FBXO30: variants seen among roughly 807,000 people sequenced by gnomAD.
The protein encoded by FBXO30 is F-box protein 30.
FBXO30 carries 21 observed loss-of-function variants against 58.1 expected under a neutral mutation model. The ratio of observed to expected loss-of-function variants is 0.36; its 90% CI spans 0.26 to 0.52. FBXO30 has a LOEUF of 0.52. Among genes scored for constraint, FBXO30 ranks in the 20% least tolerant of loss-of-function variants. FBXO30 has a pLI of 0.93. For missense variants in FBXO30, 744 were observed against 897.3 expected (o/e 0.83, Z 2.18); for synonymous variants, 309 against 312.4 (o/e 0.99, Z 0.11).
Position 145,798,067 on chromosome 6 carries a change from A to ATGAT in FBXO30, c.*2035_*2038dup, listed in dbSNP as rs1424605616. 6.6e-6 allele frequency: 1 copy of ATGAT among 152,096 alleles called. No individual in the cohort carries two copies. Among genetic ancestry groups the ATGAT allele is most frequent in the Non-Finnish European group, 1.5e-5 (1 of 67,964 alleles). 9.4% of individuals were successfully genotyped at this position (152,096 alleles called of 1,614,324 possible). A position where few individuals can be genotyped will look rare whatever the true frequency, so the allele number is the denominator to read the frequency against. On this transcript the variant is annotated 3_prime_UTR_variant, in exon 3 of 3. Coordinates refer to ENST00000237281, the MANE Select transcript of FBXO30 (RefSeq NM_032145.5). ...ACTAGTAAAACATGGGTGAGTAATGATGATAATCAACAACTACCATAACAT... is the reference window on the plus strand; with the variant it reads ...ACTAGTAAAACATGGGTGAGTAATGATGATTGATAATCAACAACTACCATAACAT...
At chr6:145,801,834 T>C (rs1442152080) in intron 2 of FBXO30, among the ~76,000 whole-genome samples, 1 of 152,096 alleles carries the variant, frequency 6.6e-6, no homozygotes, top group East Asian at 1.9e-4. Flanking sequence ...TTCTTTAAGC[T>C]TGGGCAGGTG....
At chr6:145,808,726 T>A (rs1157941370) in intron 1 of FBXO30, among the ~76,000 whole-genome samples, 2 of 152,164 alleles carry the variant, frequency 1.3e-5, no homozygotes, top group African/African-American at 2.4e-5. Context: ...AGTTCAACAT[T>A]TCCAAAATTA....
chr6:145,809,135 T>C (rs1349710633), intron 1 of FBXO30, among the ~76,000 whole-genome samples: 1 of 152,216 alleles, frequency 6.6e-6, no homozygotes, highest in Non-Finnish European at 1.5e-5. Context: ...TCATGAATTT[T>C]AGACATAAGT....
rs760969056 is a variant in FBXO30, at chr6:145,800,152, G to T, written c.2192C>A (p.Thr731Asn). The T allele has an allele frequency of 6.2e-7, 1 of 1,612,820 alleles. No homozygotes were observed. Among genetic ancestry groups the T allele is most frequent in the Non-Finnish European group, 8.5e-7 (1 of 1,179,252 alleles). Residue 731 changes from threonine (T) to asparagine (N), a missense_variant, in exon 3 of 3, where the codon ACT (threonine) becomes AAT (asparagine). Physicochemically the swap from Thr to Asn is moderately conservative, Grantham distance 65. Transcript: ENST00000237281. ...LPCMCVTREL[T>N]KEGRSLRSVL... ...TGAGCGTAGTGAACGTCCTTCTTTA[G>T]TGAGTTCTCGTGTCACACACATACA...
rs1366697770 is a variant in FBXO30, at chr6:145,804,631, C to T, written c.1775G>A (p.Cys592Tyr). ...AGGCTCCACTAATACTGTAGATACACATGGCTGAACTCCAAATGACCTCAA... is the reference window on the plus strand; with the variant it reads ...AGGCTCCACTAATACTGTAGATACATATGGCTGAACTCCAAATGACCTCAA... Reference protein sequence around the residue: ...RHLRSFGVQPCVSTVLVEPAR... With the variant: ...RHLRSFGVQPYVSTVLVEPAR... The change falls in exon 2 of 3, where the codon TGT becomes TAT. Residue 592 changes from cysteine to tyrosine, a missense_variant. Physicochemically the swap from Cys to Tyr is radical, Grantham distance 194. Transcript: ENST00000237281. 6 of 1,613,858 alleles carry T rather than the reference C, an allele frequency of 3.7e-6. No individual in the cohort carries two copies. Among genetic ancestry groups the T allele is most frequent in the Non-Finnish European group, 5.1e-6 (6 of 1,179,858 alleles).
At chr6:145,804,347 A>G (rs1253040428) in intron 2 of FBXO30, 25 bp downstream of exon 2, 3 of 1,565,890 alleles carry the variant, frequency 1.9e-6, no homozygotes, top group Admixed American at 1.9e-5. Context: ...TATGTCAAAT[A>G]AGAGGTTGTA....
rs1312982725 is a variant in FBXO30 at position 145,808,998 on chromosome 6, C to T, written c.-16-2577G>A. Among the ~76,000 whole-genome samples, 5 of 151,462 alleles carry T rather than the reference C, an allele frequency of 3.3e-5. No homozygotes were observed. In the South Asian group the frequency reaches 6.3e-4, roughly 19 times the overall value. On this transcript the variant is annotated intron_variant, in intron 1 of 2. Transcript: ENST00000237281. ...TTTTCTTGATTCAGTAGAAAAGTTC[C>T]GAGTTGATATTATGGTGTTCAATGA...
rs1778451305 is a variant in FBXO30, at chr6:145,814,679, C to A, written c.-93G>T. The A allele has an allele frequency of 6.6e-6, 1 of 152,326 alleles. No individual in the cohort carries two copies. The highest frequency in any genetic ancestry group is 2.1e-4 in the South Asian group (1 of 4,840). The allele number at this position is 152,326 out of a possible 1,614,324, so 9.4% of individuals were successfully genotyped here. ...GCCCAGCTGCTCCGCTCTGTCCCGG[C>A]GACGCTCCGTACCCCACACAGCCGT... On this transcript the variant is annotated 5_prime_UTR_variant, in exon 1 of 3. Coordinates refer to ENST00000237281, the MANE Select transcript of FBXO30 (RefSeq NM_032145.5).
Position 145,804,487 on chromosome 6 carries a change from G to T in FBXO30, c.1919C>A (p.Ser640Tyr), listed in dbSNP as rs755038925. The T allele has an allele frequency of 3.1e-6, 5 of 1,613,490 alleles. No individual in the cohort carries two copies. Among genetic ancestry groups the T allele is most frequent in the Non-Finnish European group, 4.2e-6 (5 of 1,179,774 alleles). The change falls in exon 2 of 3, where the codon TCC (serine) becomes TAC (tyrosine). Residue 640 changes from serine (S) to tyrosine (Y), a missense_variant. This residue lies in a region of FBXO30 where 334 missense variants were observed against 433.7 expected (regional missense o/e 0.77). Coordinates refer to ENST00000237281, the MANE Select transcript of FBXO30 (RefSeq NM_032145.5). ...GCCACACACATCCCTCATTAACTTGGATACACATGAGAGCTGACATAAGCT... is the reference window on the plus strand; with the variant it reads ...GCCACACACATCCCTCATTAACTTGTATACACATGAGAGCTGACATAAGCT... ...GFSLCQLSCV[S>Y]KLMRDVCGSL...
At chr6:145,810,832 G>C (rs1778313018) in intron 1 of FBXO30, among the ~76,000 whole-genome samples, 1 of 152,100 alleles carries the variant, frequency 6.6e-6, no homozygotes, top group South Asian at 2.1e-4. Flanking sequence ...AAAATAACCT[G>C]CTGCCTCCAG....
intron 2 of FBXO30, among the ~76,000 whole-genome samples, chr6:145,801,276 A>G (rs1777988667): frequency 6.6e-6 from 1 of 152,112 alleles, no homozygotes. Context: ...TGAACTGCAG[A>G]TGCTTTAGAA....
rs759712168 is a variant in FBXO30, at chr6:145,804,635, G to A, written c.1771C>T (p.Pro591Ser). The A allele has an allele frequency of 9.3e-6, 15 of 1,613,840 alleles. No individual in the cohort carries two copies. Among genetic ancestry groups the A allele is most frequent in the African/African-American group, 1.3e-5 (1 of 75,000 alleles). ...DRHLRSFGVQ[P>S]CVSTVLVEPA... is the part of the protein sequence containing the mutation. ...TCCACTAATACTGTAGATACACATG[G>A]CTGAACTCCAAATGACCTCAAATGG... The change falls in exon 2 of 3, where the codon CCA becomes TCA. Residue 591 changes from proline (P) to serine (S), a missense_variant. This residue lies in a region of FBXO30 where 334 missense variants were observed against 433.7 expected (regional missense o/e 0.77). Transcript: ENST00000237281.
At chr6:145,803,459 G>A (rs553907050) in intron 2 of FBXO30, among the ~76,000 whole-genome samples, 8 of 152,076 alleles carry the variant, frequency 5.3e-5, no homozygotes, top group African/African-American at 1.7e-4. Flanking sequence ...AAGGTGCTAC[G>A]AATAAAGTAA....
chr6:145,802,255 G>A (rs1448094120), intron 2 of FBXO30, among the ~76,000 whole-genome samples: 1 of 152,184 alleles, frequency 6.6e-6, no homozygotes, highest in Non-Finnish European at 1.5e-5. Context: ...AACCTGAAGA[G>A]TAAGCGGGAC....
At position 145,804,559 on chromosome 6, in the gene FBXO30, A is replaced by G; in HGVS notation, c.1847T>C (p.Leu616Pro). The G allele has an allele frequency of 1.9e-6, 3 of 1,613,790 alleles. No individual in the cohort carries two copies. The highest frequency in any genetic ancestry group is 2.5e-6 in the Non-Finnish European group (3 of 1,179,848). The change falls in exon 2 of 3, where the codon CTT becomes CCT. Residue 616 changes from leucine (L) to proline (P), a missense_variant. By Grantham distance (98) the Leu-to-Pro change is moderately conservative (BLOSUM62 -3). Coordinates refer to ENST00000237281, the MANE Select transcript of FBXO30 (RefSeq NM_032145.5). Reference sequence around the variant, plus strand: ...AATATGCTGCAGGACCTCAAAAGGAAGACTACTTAGATGGTCATTATGTAA... The same window carrying G: ...AATATGCTGCAGGACCTCAAAAGGAGGACTACTTAGATGGTCATTATGTAA... ...LGLHNDHLSS[L>P]PFEVLQHIAG... is the part of the protein sequence containing the mutation.
At chr6:145,814,217 G>A (rs1029282717) in intron 1 of FBXO30, among the ~76,000 whole-genome samples, 7 of 152,120 alleles carry the variant, frequency 4.6e-5, no homozygotes, top group South Asian at 2.1e-4. Context: ...AAAACCAGAC[G>A]GAACGAGAAG....
chr6:145,793,996 T>C lies in FBXO30; in HGVS notation c.*6110A>G, dbSNP rs1024536044. On this transcript the variant is annotated 3_prime_UTR_variant, in exon 3 of 3. Coordinates refer to ENST00000237281, the MANE Select transcript of FBXO30 (RefSeq NM_032145.5). The stretch of plus-strand genomic sequence containing the variant: ...TAATTGTAATAAAATACACATCAAA[T>C]ACACCATTTTAAAGTATACAATTCA... 7 of 151,826 alleles carry C rather than the reference T, an allele frequency of 4.6e-5. No individual in the cohort carries two copies. The highest frequency in any genetic ancestry group is 1.0e-4 in the Non-Finnish European group (7 of 67,882). The allele number at this position is 151,826 out of a possible 1,614,324, so 9.4% of individuals were successfully genotyped here. A position where few individuals can be genotyped will look rare whatever the true frequency, so the allele number is the denominator to read the frequency against.
Position 145,805,398 on chromosome 6 carries a change from T to C in FBXO30, c.1008A>G (p.Gln336=), listed in dbSNP as rs769311176. The change falls in exon 2 of 3, where the codon CAA becomes CAG. Residue 336 remains glutamine (Q), a synonymous_variant. Coordinates refer to ENST00000237281, the MANE Select transcript of FBXO30 (RefSeq NM_032145.5). The stretch of plus-strand genomic sequence containing the variant: ...CACTGGATGGTATTATTTCCCTAAG[T>C]TGTGCTGCCACCGCAAGTGAGCTGG... The part of the protein sequence containing the change: ...KPSSSLAVAA[Q]LREIIPSSAL... 2.5e-6 allele frequency: 4 copies of C among 1,614,036 alleles called. No homozygotes were observed. Among genetic ancestry groups the C allele is most frequent in the Admixed American group, 1.7e-5 (1 of 59,960 alleles).
intron 2 of FBXO30, 130 bp from the exon 3 acceptor site, chr6:145,800,439 A>G (rs1777961313): frequency 3.0e-6 from 2 of 664,064 alleles, no homozygotes; most frequent in Non-Finnish European, 5.0e-6. Context: ...TAGCTATAAA[A>G]TTAAAAATTG....
Sources: gnomAD v4.1 joint callset for allele counts (sites outside exome capture counted in the v4.1 genomes callset) on GRCh38, gnomAD v4.1.1 for gene constraint, gnomAD v4.1.1 regional missense constraint, MANE v1.5 for transcripts, NCBI Gene and HGNC (gene_info 2026-07-23, HGNC 2026-07-21) for gene names.